ADGRD2: variants seen among roughly 807,000 people sequenced by gnomAD.
The protein encoded by ADGRD2 is G protein-coupled receptor PGR24.
ADGRD2 carries 71 observed loss-of-function variants against 44.4 expected under a neutral mutation model. That is an observed-to-expected ratio of 1.60 (90% CI 1.32 to 1.95). The LOEUF (loss-of-function observed/expected upper bound fraction) is 1.95. Among genes scored for constraint, ADGRD2 ranks in the 30% most tolerant of loss-of-function variants. ADGRD2 has a pLI of 0.00. For missense variants in ADGRD2, 1,039 were observed against 512.4 expected (o/e 2.03, Z -9.92); for synonymous variants, 481 against 224.8 (o/e 2.14, Z -10.19).
chr9:124,474,335 T>C (rs1349883089), intron 17 of ADGRD2, among the ~76,000 whole-genome samples: 1 of 148,802 alleles, frequency 6.7e-6, no homozygotes, highest in Non-Finnish European at 1.5e-5. Flanking sequence ...TTGGGAGCCA[T>C]GCAGGGCGTC....
At chr9:124,458,783 C>G in intron 10 of ADGRD2, 62 bp downstream of exon 13, 2 of 700,292 alleles carry the variant, frequency 2.9e-6, no homozygotes, top group South Asian at 1.5e-5. Flanking sequence ...TCAGTTCCCC[C>G]AACCCCCAGT....
exon 3 of ADGRD2, chr9:124,453,504 C>G: frequency 1.4e-6 from 1 of 701,526 alleles, no homozygotes; most frequent in Non-Finnish European, 2.6e-6. Flanking sequence ...ACGCCCTCAG[C>G]GGCAACCTCA....
chr9:124,456,486 A>C, intron 6 of ADGRD2, 136 bp from the exon 10 acceptor site: 1 of 624,368 alleles, frequency 1.6e-6, no homozygotes, highest in Non-Finnish European at 2.9e-6. Flanking sequence ...TTGATCCTAG[A>C]GTCCTTAAAG....
chr9:124,453,629 T>G, exon 3 of ADGRD2: 1 of 701,380 alleles, frequency 1.4e-6, no homozygotes, highest in East Asian at 2.7e-5. Flanking sequence ...GCCCTGGACG[T>G]CACGCCCTCG....
chr9:124,453,708 T>TG, intron 3 of ADGRD2, 32 bp downstream of exon 6: 1 of 281,060 alleles, frequency 3.6e-6, no homozygotes. Flanking sequence ...CCCCACCCCA[T>TG]GGCCCCGAAT....
At chr9:124,463,388 G>A (rs898704062) in intron 10 of ADGRD2, among the ~76,000 whole-genome samples, 1 of 152,192 alleles carries the variant, frequency 6.6e-6, no homozygotes, top group Admixed American at 6.5e-5. Flanking sequence ...CAATTAGCTA[G>A]TATTTTGTTG....
Position 124,454,762 on chromosome 9 carries a change from C to T in ADGRD2, c.1109-81C>T. ...TTTAATGGGTGCCCACCAAGAAGAC[C>T]CTGGCAAAGCCCAAGTGTGGCCCTT... On this transcript the variant is annotated intron_variant, in intron 5 of 21. Coordinates refer to ENST00000334810, the Ensembl canonical transcript of ADGRD2. This position sits in a 1 kb window ranked among gnomAD's most constrained non-coding sequence, Gnocchi z 4.5. 2 of 616,378 alleles carry T rather than the reference C, an allele frequency of 3.2e-6. No homozygotes were observed. Among genetic ancestry groups the T allele is most frequent in the Admixed American group, 5.3e-5 (2 of 37,540 alleles). 38.2% of individuals were successfully genotyped at this position (616,378 alleles called of 1,614,324 possible).
chr9:124,458,292 G>T, intron 9 of ADGRD2, 56 bp downstream of exon 12: 2 of 711,314 alleles, frequency 2.8e-6, no homozygotes, highest in Non-Finnish European at 2.6e-6. Flanking sequence ...CCCAAGGAAG[G>T]CCAAAGCCCC....
chr9:124,452,056 T>C (rs1831483935), upstream of ADGRD2: 2 of 368,942 alleles, frequency 5.4e-6, no homozygotes, highest in Non-Finnish European at 1.1e-5. Flanking sequence ...GAGGGGAGGG[T>C]TGTCCCAGCC....
chr9:124,468,125 C>T lies in ADGRD2; in HGVS notation c.2170C>T (p.Leu724Phe). Reference sequence around the variant, plus strand: ...AGAGCGAACCACAGTCCACAAGAACCTCACCTTCTCCCTGGCCTCTGCCGA... The same window carrying T: ...AGAGCGAACCACAGTCCACAAGAACTTCACCTTCTCCCTGGCCTCTGCCGA... Residue 724 changes from leucine to phenylalanine, a missense_variant, in exon 13 of 22, where the codon CTC becomes TTC. Leu to Phe is a conservative substitution (Grantham distance 22). Coordinates refer to ENST00000334810, the Ensembl canonical transcript of ADGRD2. The T allele has an allele frequency of 4.2e-6, 3 of 718,594 alleles. No individual in the cohort carries two copies. The East Asian group carries it at 8.0e-5, about 19-fold the overall frequency. 44.5% of individuals were successfully genotyped at this position (718,594 alleles called of 1,614,324 possible).
In ADGRD2 at chr9:124,454,154, G is replaced by A; in HGVS notation, c.1022+57G>A. ...GAAGGGAAAGCCGGTGTGGACCGGAGTAGACTGAGAGGGGGTGAGCTGCTG... is the reference window on the plus strand; with the variant it reads ...GAAGGGAAAGCCGGTGTGGACCGGAATAGACTGAGAGGGGGTGAGCTGCTG... On this transcript the variant is annotated intron_variant, in intron 4 of 21. Coordinates refer to ENST00000334810, the Ensembl canonical transcript of ADGRD2. This position sits in a 1 kb window ranked among gnomAD's most constrained non-coding sequence, Gnocchi z 4.5. 1 of 623,902 alleles carries A rather than the reference G, an allele frequency of 1.6e-6. No homozygotes were observed. The highest frequency in any genetic ancestry group is 1.9e-5 in the South Asian group (1 of 53,102). The allele number at this position is 623,902 out of a possible 1,614,324, so 38.6% of individuals were successfully genotyped here.
chr9:124,477,103 C>A (rs1297509574), intron 21 of ADGRD2: 2 of 499,688 alleles, frequency 4.0e-6, no homozygotes, highest in Admixed American at 4.6e-5. Flanking sequence ...CGGCCTGATG[C>A]CCTAGGATCC....
chr9:124,451,614 A>G, upstream of ADGRD2: 1 of 281,640 alleles, frequency 3.6e-6, no homozygotes, highest in South Asian at 3.5e-5. Flanking sequence ...CCTCAGTCCA[A>G]GTTGGCCTGC....
At chr9:124,452,412 C>G (rs995781427) in intron 1 of ADGRD2, 98 bp from the exon 5 acceptor site, 4 of 704,958 alleles carry the variant, frequency 5.7e-6, no homozygotes, top group South Asian at 4.6e-5. Context: ...CCATCCAGCC[C>G]GAATGACTCC....
intron 10 of ADGRD2, among the ~76,000 whole-genome samples, chr9:124,463,061 G>C (rs1831751209): frequency 6.6e-6 from 1 of 151,996 alleles, no homozygotes; most frequent in Non-Finnish European, 1.5e-5. Context: ...GTGAGGTCAG[G>C]CATCCTTGTC....
intron 6 of ADGRD2, 129 bp from the exon 10 acceptor site, chr9:124,456,493 A>T (rs1831619131): frequency 4.7e-6 from 3 of 632,340 alleles, no homozygotes; most frequent in Non-Finnish European, 8.7e-6. Flanking sequence ...TAGAGTCCTT[A>T]AAGAGCCACG....
rs1831495239 is a variant in ADGRD2, at chr9:124,452,357, A to T, written c.69-153A>T. 4.6e-6 allele frequency: 3 copies of T among 650,896 alleles called. No homozygotes were observed. In the Admixed American group the frequency reaches 6.9e-5, roughly 15 times the overall value. The allele number at this position is 650,896 out of a possible 1,614,324, so 40.3% of individuals were successfully genotyped here. ...GCGCAGATGACGAAAAGAGCTCTGC[A>T]AGAGGACAGGACTCAGCAGGCCATA... On this transcript the variant is annotated intron_variant, in intron 1 of 21. Coordinates refer to ENST00000334810, the Ensembl canonical transcript of ADGRD2.
chr9:124,462,662 A>G (rs1831743121), intron 10 of ADGRD2, among the ~76,000 whole-genome samples: 1 of 152,178 alleles, frequency 6.6e-6, no homozygotes, highest in Non-Finnish European at 1.5e-5. Context: ...TTTGGATATT[A>G]CCGGAAATGA....
intron 10 of ADGRD2, 31 bp from the exon 14 acceptor site, chr9:124,466,226 GC>G (rs1831819647): frequency 3.6e-6 from 2 of 563,208 alleles, no homozygotes; most frequent in African/African-American, 3.8e-5. Flanking sequence ...CTTGCTTCTG[GC>G]CCCTCACCCC....
Sources: gnomAD v4.1 joint callset for allele counts (sites outside exome capture counted in the v4.1 genomes callset) on GRCh38, gnomAD v4.1.1 for gene constraint, Gnocchi (gnomAD v3.1) non-coding constraint, MANE v1.5 for transcripts, NCBI Gene and HGNC (gene_info 2026-07-23, HGNC 2026-07-21) for gene names.